SCFD2: variants seen among roughly 807,000 people sequenced by gnomAD.
SCFD2 encodes sec1 family domain containing 2, also known as sec1 family domain-containing protein 2.
SCFD2 carries 54 observed loss-of-function variants against 58.9 expected under a neutral mutation model. That is an observed-to-expected ratio of 0.92 (90% confidence interval 0.74 to 1.15). The LOEUF (loss-of-function observed/expected upper bound fraction) is 1.15, where lower values mean the gene tolerates loss of function less well. Ranked by LOEUF, SCFD2 falls within the 50% of genes most tolerant of loss-of-function variation. SCFD2 has a pLI of 0.00. For missense variants in SCFD2, 805 were observed against 836.6 expected, an observed-to-expected ratio of 0.96 and a Z score of 0.47; for synonymous variants, 321 against 335.9, an observed-to-expected ratio of 0.96 and a Z score of 0.49.
At chr4:53,271,926 A>AT (rs1436454052) in intron 4 of SCFD2, among the ~76,000 whole-genome samples, 1 of 152,234 alleles carries the variant, frequency 6.6e-6, no homozygotes, top group African/African-American at 2.4e-5. Flanking sequence ...AACCTACAGA[A>AT]TGGGAGAACA....
intron 1 of SCFD2, among the ~76,000 whole-genome samples, chr4:53,360,929 T>C (rs1734531913): frequency 6.6e-6 from 1 of 152,212 alleles, no homozygotes; most frequent in South Asian, 2.1e-4. Flanking sequence ...TCTTACTCTT[T>C]TTACATGTTG....
chr4:52,892,132 G>A (rs1334051177), intron 7 of SCFD2, among the ~76,000 whole-genome samples: 2 of 152,194 alleles, frequency 1.3e-5, no homozygotes, highest in African/African-American at 2.4e-5. Flanking sequence ...TTCTTTTCCA[G>A]TTCTGCTTCC....
chr4:53,251,110 C>T lies in SCFD2; in HGVS notation c.1311+22716G>A, dbSNP rs564102817. ...TCAGATAATACTACAAACACCTCTA[C>T]GCAAATAAACAAGAAAATCTAGAAG... On this transcript the variant is annotated intron_variant, in intron 4 of 8. Coordinates refer to ENST00000401642, the MANE Select transcript of SCFD2 (RefSeq NM_152540.4). Among the ~76,000 whole-genome samples, 10 of 152,270 alleles carry T rather than the reference C, an allele frequency of 6.6e-5. No individual in the cohort carries two copies. The South Asian group carries it at 1.2e-3, about 19-fold the overall frequency.
At chr4:52,890,691 C>T (rs1471532600) in intron 7 of SCFD2, among the ~76,000 whole-genome samples, 1 of 152,130 alleles carries the variant, frequency 6.6e-6, no homozygotes, top group Non-Finnish European at 1.5e-5. Flanking sequence ...TAAATCTTTG[C>T]TGGCTGTGAT....
At chr4:53,163,694 C>T (rs906359367) in intron 4 of SCFD2, among the ~76,000 whole-genome samples, 1 of 152,088 alleles carries the variant, frequency 6.6e-6, no homozygotes, top group Non-Finnish European at 1.5e-5. Context: ...CACACCACTG[C>T]ACTCCAGCCT....
intron 4 of SCFD2, among the ~76,000 whole-genome samples, chr4:53,159,754 G>A (rs974917555): frequency 6.6e-6 from 1 of 152,156 alleles, no homozygotes; most frequent in Non-Finnish European, 1.5e-5. Flanking sequence ...CATCCAGGAT[G>A]TCACCATGCC....
At chr4:53,216,612 G>A (rs1422792199) in intron 4 of SCFD2, among the ~76,000 whole-genome samples, 1 of 151,854 alleles carries the variant, frequency 6.6e-6, no homozygotes, top group Non-Finnish European at 1.5e-5. Flanking sequence ...TGGATTCATT[G>A]ATTTTTTGAA....
At chr4:52,897,529 C>G (rs1719055082) in intron 7 of SCFD2, among the ~76,000 whole-genome samples, 1 of 152,124 alleles carries the variant, frequency 6.6e-6, no homozygotes, top group Admixed American at 6.5e-5. Flanking sequence ...GGTGGATAAG[C>G]TTTTTGATGT....
chr4:53,361,440 A>C (rs1293281665), intron 1 of SCFD2, among the ~76,000 whole-genome samples: 1 of 152,246 alleles, frequency 6.6e-6, no homozygotes, highest in African/African-American at 2.4e-5. Flanking sequence ...TCTGTCACCC[A>C]GACTGGAGTG....
At chr4:52,934,604 G>A (rs1720090246) in intron 5 of SCFD2, among the ~76,000 whole-genome samples, 1 of 152,112 alleles carries the variant, frequency 6.6e-6, no homozygotes, top group South Asian at 2.1e-4. Context: ...GCACCTCCAG[G>A]GCCTTCTGCA....
chr4:53,066,391 C>G (rs1336981736), intron 5 of SCFD2, among the ~76,000 whole-genome samples: 1 of 152,112 alleles, frequency 6.6e-6, no homozygotes, highest in Non-Finnish European at 1.5e-5. Flanking sequence ...TGCTGGGTGA[C>G]AGTAGCCACT....
At chr4:53,072,716 T>C (rs1478484275) in intron 5 of SCFD2, among the ~76,000 whole-genome samples, 3 of 151,986 alleles carry the variant, frequency 2.0e-5, no homozygotes, top group Non-Finnish European at 4.4e-5. Context: ...TTCCTCAACC[T>C]CATCTGTAAA....
At chr4:52,913,858 C>T (rs1195756227) in intron 6 of SCFD2, among the ~76,000 whole-genome samples, 3 of 152,158 alleles carry the variant, frequency 2.0e-5, no homozygotes, top group Non-Finnish European at 4.4e-5. Context: ...TGTATCACTT[C>T]CACCGCAGTT....
intron 3 of SCFD2, among the ~76,000 whole-genome samples, chr4:53,278,552 T>A (rs1464343119): frequency 1.3e-5 from 2 of 151,856 alleles, no homozygotes; most frequent in Non-Finnish European, 2.9e-5. Flanking sequence ...AAGTCAAATT[T>A]TTTATCCAAT....
At chr4:52,882,159 A>T (rs939816067) in intron 8 of SCFD2, among the ~76,000 whole-genome samples, 20 of 152,182 alleles carry the variant, frequency 1.3e-4, no homozygotes, top group African/African-American at 4.3e-4. Context: ...ATTCAGGTCC[A>T]TTTCACAGGG....
intron 3 of SCFD2, among the ~76,000 whole-genome samples, chr4:53,301,436 T>G (rs1732288979): frequency 6.6e-6 from 1 of 151,656 alleles, no homozygotes; most frequent in Non-Finnish European, 1.5e-5. Flanking sequence ...AATAACAGGC[T>G]CTGAAATTGA....
intron 5 of SCFD2, among the ~76,000 whole-genome samples, chr4:53,062,934 G>C (rs1048626026): frequency 6.6e-6 from 1 of 151,992 alleles, no homozygotes; most frequent in Non-Finnish European, 1.5e-5. Context: ...AATTTAATAG[G>C]TGCACAGCGA....
At chr4:53,273,686 A>AG (rs531196561) in intron 4 of SCFD2, 140 bp downstream of exon 4, 20 of 728,936 alleles carry the variant, frequency 2.7e-5, no homozygotes, top group African/African-American at 1.3e-4. Flanking sequence ...AATTTTAACT[A>AG]GGGGGCACTT....
chr4:53,066,030 T>C (rs1723653270), intron 5 of SCFD2, among the ~76,000 whole-genome samples: 2 of 152,124 alleles, frequency 1.3e-5, no homozygotes, highest in Non-Finnish European at 1.5e-5. Flanking sequence ...AAGAATATTC[T>C]GGAACTACGC....
Sources: allele counts gnomAD v4.1 joint callset (sites outside exome capture counted in the v4.1 genomes callset), GRCh38; gene constraint gnomAD v4.1.1; transcripts MANE v1.5; gene names NCBI Gene and HGNC (gene_info 2026-07-23, HGNC 2026-07-21).